VPS51: variants seen among roughly 807,000 people sequenced by gnomAD.
VPS51 encodes VPS51 subunit of GARP complex.
VPS51 carries 55 observed loss-of-function variants against 65.1 expected under a neutral mutation model. That is an observed-to-expected ratio of 0.84 (90% confidence interval 0.68 to 1.06). The LOEUF is 1.06. VPS51 is among the 50% of genes least tolerant of loss of function. The pLI is 0.00. For missense variants in VPS51, 943 were observed against 1,101.6 expected, an observed-to-expected ratio of 0.86 and a Z score of 2.04; for synonymous variants, 473 against 489.5, an observed-to-expected ratio of 0.97 and a Z score of 0.44.
chr11:65,110,658 AG>A (rs1488058035), intron 8 of VPS51, 35 bp from the exon 9 acceptor site: 1 of 1,614,168 alleles, frequency 6.2e-7, no homozygotes, highest in South Asian at 1.1e-5. Flanking sequence ...GCGAGGGTGC[AG>A]GGCGGGCTCT....
At position 65,108,680 on chromosome 11, in the gene VPS51, C is replaced by T; in HGVS notation, c.1209C>T (p.Ala403=). Residue 403 remains alanine, a synonymous_variant, in exon 5 of 10, where the codon GCC becomes GCT. Coordinates refer to ENST00000279281, the MANE Select transcript of VPS51 (RefSeq NM_013265.4). ...CCACGGAGATCGTGGAACGAGTGGC[C>T]CGCGAGCGCCTGGGCCACCACCTGC... ...DAATEIVERV[A]RERLGHHLQG... The T allele has an allele frequency of 6.3e-7, 1 of 1,583,342 alleles. No individual in the cohort carries two copies. The highest frequency in any genetic ancestry group is 1.1e-5 in the South Asian group (1 of 89,042).
intron 1 of VPS51, chr11:65,096,777 C>T (rs923887173): frequency 4.1e-6 from 3 of 729,384 alleles, no homozygotes; most frequent in South Asian, 3.8e-5. Flanking sequence ...TAGGCCGAGC[C>T]CCAGGATTTC....
intron 2 of VPS51, among the ~76,000 whole-genome samples, chr11:65,102,587 A>G (rs1947816581): frequency 6.6e-6 from 1 of 152,130 alleles, no homozygotes; most frequent in African/African-American, 2.4e-5. Flanking sequence ...TCAAACACCC[A>G]CTACCAAAAG....
rs1947881616 is a variant in VPS51, at chr11:65,110,066, C to CT, written c.1878+144dup. On this transcript the variant is annotated intron_variant, in intron 7 of 9. Transcript: ENST00000279281. ...ATCTGGGCTTCTCACGGGGCCAGTT[C>CT]TGTAGCCAGGGCGTCCGTGAGGGAA... The CT allele has an allele frequency of 3.2e-6, 3 of 949,282 alleles. No individual in the cohort carries two copies. The Admixed American group carries it at 7.9e-5, about 25-fold the overall frequency. The allele number at this position is 949,282 out of a possible 1,614,324, so 58.8% of individuals were successfully genotyped here.
At position 65,098,791 on chromosome 11, in the gene VPS51, T is replaced by C. The variant is rs769887059; in HGVS notation, c.358+1664T>C. ...AGATTACATTTTCCATTTGTTGGAATGTGTATAATAATATTTTGAGACTTA... is the reference window on the plus strand; with the variant it reads ...AGATTACATTTTCCATTTGTTGGAACGTGTATAATAATATTTTGAGACTTA... On this transcript the variant is annotated intron_variant, in intron 2 of 9. Coordinates refer to ENST00000279281, the MANE Select transcript of VPS51 (RefSeq NM_013265.4). Among the ~76,000 whole-genome samples, 18 of 152,250 alleles carry C rather than the reference T, an allele frequency of 1.2e-4. 1 individual carries two copies. The highest frequency in any genetic ancestry group is 2.2e-4 in the Non-Finnish European group (15 of 68,044).
chr11:65,107,797 C>A lies in VPS51; in HGVS notation c.506-6C>A. 1 of 1,591,610 alleles carries A rather than the reference C, an allele frequency of 6.3e-7. No homozygotes were observed. The highest frequency in any genetic ancestry group is 8.5e-7 in the Non-Finnish European group (1 of 1,170,954). On this transcript the variant is annotated splice_polypyrimidine_tract_variant and splice_region_variant and intron_variant, in intron 3 of 9. Coordinates refer to ENST00000279281, the MANE Select transcript of VPS51 (RefSeq NM_013265.4). This position sits in a 1 kb window ranked among gnomAD's most constrained non-coding sequence, Gnocchi z 4.0. ...TCTGGGGCTAACGTCACCCTCCGTC[C>A]CCCAGGGGTCCACGCGCTGCTGCGG...
intron 2 of VPS51, among the ~76,000 whole-genome samples, chr11:65,106,500 C>T (rs58306239): frequency 0.018 from 2,800 of 152,224 alleles, 94 homozygotes; most frequent in African/African-American, 0.063. Context: ...GCCTGTAATC[C>T]CAGCACTTTG....
intron 9 of VPS51, 40 bp from the exon 10 acceptor site, chr11:65,111,287 C>T (rs1317937833): frequency 1.9e-6 from 3 of 1,598,818 alleles, no homozygotes; most frequent in South Asian, 1.1e-5. Flanking sequence ...CCACACACAC[C>T]TGCAGTCCCC....
chr11:65,104,060 C>T (rs1947826691), intron 2 of VPS51, among the ~76,000 whole-genome samples: 1 of 152,038 alleles, frequency 6.6e-6, no homozygotes. Flanking sequence ...TTCCCAGTAG[C>T]TAGGATTACA....
chr11:65,109,948 GC>G, intron 7 of VPS51, 25 bp downstream of exon 7: 5 of 1,565,912 alleles, frequency 3.2e-6, no homozygotes, highest in Non-Finnish European at 3.4e-6. Context: ...GGCCGGGGTA[GC>G]CCTGACGCAG....
intron 2 of VPS51, among the ~76,000 whole-genome samples, chr11:65,097,461 T>C (rs566755996): frequency 6.6e-6 from 1 of 152,306 alleles, no homozygotes; most frequent in African/African-American, 2.4e-5. Flanking sequence ...CCCAGGCTCA[T>C]GTGATCCTTC....
Position 65,097,009 on chromosome 11 carries a change from G to C in VPS51, c.240G>C (p.Glu80Asp). The change falls in exon 2 of 10, where the codon GAG becomes GAC. Residue 80 changes from glutamate to aspartate, a missense_variant. Around this residue, in one of 2 missense-constraint regions of VPS51, gnomAD observed 855 missense variants for 953.7 expected, o/e 0.90. Coordinates refer to ENST00000279281, the MANE Select transcript of VPS51 (RefSeq NM_013265.4). ...PEVYLDKLRR[E>D]CPLAQLMDSE... The stretch of plus-strand genomic sequence containing the variant: ...CCCAACTTCTTCAGCTGCGTAGAGA[G>C]TGCCCTCTGGCCCAGTTGATGGACA... 1 of 1,613,714 alleles carries C rather than the reference G, an allele frequency of 6.2e-7. No homozygotes were observed. Among genetic ancestry groups the C allele is most frequent in the South Asian group, 1.1e-5 (1 of 91,066 alleles).
intron 1 of VPS51, 29 bp downstream of exon 1, chr11:65,096,507 C>CGGGGTGGGGGGGGGGGG: frequency 2.8e-6 from 1 of 362,222 alleles, no homozygotes. Context: ...TGGGGGGGTG[C>CGGGGTGGGGGGGGGGGG]GGGGAGGGGG....
At chr11:65,109,035 C>A in intron 5 of VPS51, 121 bp downstream of exon 5, 1 of 1,272,622 alleles carries the variant, frequency 7.9e-7, no homozygotes, top group Non-Finnish European at 1.1e-6. Context: ...GGTTCTTATG[C>A]ACGGTCTGGG....
intron 9 of VPS51, 78 bp from the exon 10 acceptor site, chr11:65,111,249 G>A (rs1221332659): frequency 1.9e-6 from 3 of 1,588,320 alleles, no homozygotes; most frequent in Admixed American, 1.7e-5. Context: ...TATGTCTCCC[G>A]GGCCCCTGCT....
Position 65,096,476 on chromosome 11 carries a change from A to G in VPS51, c.226A>G (p.Lys76Glu). 1 of 1,135,642 alleles carries G rather than the reference A, an allele frequency of 8.8e-7. No individual in the cohort carries two copies. The highest frequency in any genetic ancestry group is 1.4e-5 in the South Asian group (1 of 73,810). The allele number at this position is 1,135,642 out of a possible 1,614,324, so 70.3% of individuals were successfully genotyped here. Residue 76 changes from lysine (K) to glutamate (E), a missense_variant and splice_region_variant, in exon 1 of 10, where the codon AAG becomes GAG. By Grantham distance (56) the Lys-to-Glu change is moderately conservative. Transcript: ENST00000279281. The part of the protein sequence containing the change: ...AHFDPEVYLD[K>E]LRRECPLAQL... ...CTTCGACCCGGAAGTTTACCTAGAC[A>G]AGGTGTGTGCGCACGGGGAGTGGGG...
chr11:65,105,195 C>A, intron 2 of VPS51, among the ~76,000 whole-genome samples: 1 of 151,964 alleles, frequency 6.6e-6, no homozygotes, highest in East Asian at 1.9e-4. Flanking sequence ...AGGTCAGAGA[C>A]CAGTCTGGCC....
intron 2 of VPS51, among the ~76,000 whole-genome samples, chr11:65,098,320 T>G (rs1174988770): frequency 6.6e-6 from 1 of 152,226 alleles, no homozygotes; most frequent in Non-Finnish European, 1.5e-5. Context: ...TCTCCCTTCC[T>G]TCCCTCCTTA....
chr11:65,107,795 T>C lies in VPS51; in HGVS notation c.506-8T>C. 1.3e-6 allele frequency: 2 copies of C among 1,593,680 alleles called. No homozygotes were observed. On this transcript the variant is annotated splice_polypyrimidine_tract_variant and splice_region_variant and intron_variant, in intron 3 of 9. Transcript: ENST00000279281. The surrounding 1 kb of genome is among the most constrained non-coding windows in gnomAD (Gnocchi z 4.0). ...GCTCTGGGGCTAACGTCACCCTCCGTCCCCCAGGGGTCCACGCGCTGCTGC... is the reference window on the plus strand; with the variant it reads ...GCTCTGGGGCTAACGTCACCCTCCGCCCCCCAGGGGTCCACGCGCTGCTGC...
Sources: gnomAD v4.1 joint callset for allele counts (sites outside exome capture counted in the v4.1 genomes callset) on GRCh38, gnomAD v4.1.1 for gene constraint, gnomAD v4.1.1 regional missense constraint, Gnocchi (gnomAD v3.1) non-coding constraint, MANE v1.5 for transcripts, NCBI Gene and HGNC (gene_info 2026-07-23, HGNC 2026-07-21) for gene names.